ZNF462: variants seen among roughly 807,000 people sequenced by gnomAD.
ZNF462 encodes zinc finger protein 462.
In ZNF462, 10 loss-of-function variants were observed where a neutral mutation model predicts 201.9. That is an observed-to-expected ratio of 0.05 (90% CI 0.03 to 0.08). ZNF462 has a LOEUF of 0.08. Among genes scored for constraint, ZNF462 ranks in the 10% least tolerant of loss-of-function variants. The probability of loss-of-function intolerance (pLI) is 1.00; values close to 1 mark genes in which losing one functional copy is unlikely to be tolerated. For synonymous variants in ZNF462, 1,227 were observed against 1,193.3 expected (o/e 1.03, Z -0.58); for missense variants, 2,523 against 3,168.3 (o/e 0.80, Z 4.89).
At chr9:106,877,142 C>G (rs1334967204) in intron 1 of ZNF462, among the ~76,000 whole-genome samples, 1 of 151,952 alleles carries the variant, frequency 6.6e-6, no homozygotes, top group Admixed American at 6.6e-5. Flanking sequence ...CTTATTGGGT[C>G]TGGCCAAAAG....
intron 7 of ZNF462, among the ~76,000 whole-genome samples, chr9:106,958,296 C>A (rs188933897): frequency 6.6e-6 from 1 of 152,212 alleles, no homozygotes; most frequent in Admixed American, 6.5e-5. Context: ...CTGCTTAAAG[C>A]CCTTCCGTGG....
Position 106,895,049 on chromosome 9 carries a change from G to A in ZNF462, c.-30-28305G>A, listed in dbSNP as rs1828752157. 6.6e-6 allele frequency among the ~76,000 whole-genome samples: 1 copy of A among 152,162 alleles called. No individual in the cohort carries two copies. The highest frequency in any genetic ancestry group is 1.9e-4 in the East Asian group (1 of 5,176). The stretch of plus-strand genomic sequence containing the variant: ...CTCTAGTTAAATAGGAAATTTATGG[G>A]AATACCATTAGCATAGGTTGATGCA... On this transcript the variant is annotated intron_variant, in intron 1 of 12. Coordinates refer to ENST00000277225, the MANE Select transcript of ZNF462 (RefSeq NM_021224.6). This position sits in a 1 kb window ranked among gnomAD's most constrained non-coding sequence, Gnocchi z 4.4.
intron 1 of ZNF462, among the ~76,000 whole-genome samples, chr9:106,898,000 A>G (rs1302486244): frequency 6.6e-6 from 1 of 152,234 alleles, no homozygotes; most frequent in African/African-American, 2.4e-5. Context: ...GCAAATGTGT[A>G]ATTCCTTATT....
intron 10 of ZNF462, among the ~76,000 whole-genome samples, chr9:106,995,880 T>C (rs960507214): frequency 2.6e-5 from 4 of 152,188 alleles, no homozygotes; most frequent in African/African-American, 9.6e-5. Flanking sequence ...GTTTGTCACA[T>C]AGGTATGCAT....
Position 107,009,479 on chromosome 9 carries a change from A to T in ZNF462, c.7190-66A>T, listed in dbSNP as rs917829093. ...GGTAGGAGAGAGGGTATCCTAATGA[A>T]TGCTGACTTACCTATTCTGCTGATT... is the stretch of plus-strand genomic sequence containing the variant. On this transcript the variant is annotated intron_variant, in intron 11 of 12. Coordinates refer to ENST00000277225, the MANE Select transcript of ZNF462 (RefSeq NM_021224.6). This position sits in a 1 kb window ranked among gnomAD's most constrained non-coding sequence, Gnocchi z 6.1. 10 of 1,600,714 alleles carry T rather than the reference A, an allele frequency of 6.2e-6. No homozygotes were observed. The highest frequency in any genetic ancestry group is 2.7e-5 in the African/African-American group (2 of 74,730).
chr9:106,991,524 T>C (rs1365819472), intron 10 of ZNF462, among the ~76,000 whole-genome samples: 5 of 151,734 alleles, frequency 3.3e-5, no homozygotes, highest in Non-Finnish European at 7.4e-5. Context: ...TTTTTGGGGG[T>C]AGAAAGTGAC....
Position 106,923,594 on chromosome 9 carries a change from G to A in ZNF462, c.211G>A (p.Asp71Asn). ...SIKDEFAIAE[D>N]LSGQNATSLG... ...AAAGGATGAATTTGCCATTGCAGAA[G>A]ATTTATCAGGTAAATCTATACTAAA... is the stretch of plus-strand genomic sequence containing the variant. Residue 71 changes from aspartate (D) to asparagine (N), a missense_variant, in exon 2 of 13, where the codon GAT becomes AAT. Physicochemically the swap from Asp to Asn is conservative, Grantham distance 23. Coordinates refer to ENST00000277225, the MANE Select transcript of ZNF462 (RefSeq NM_021224.6). The surrounding 1 kb of genome is among the most constrained non-coding windows in gnomAD (Gnocchi z 5.6). 6.2e-7 allele frequency: 1 copy of A among 1,614,182 alleles called. No homozygotes were observed. The highest frequency in any genetic ancestry group is 8.5e-7 in the Non-Finnish European group (1 of 1,180,006).
At chr9:106,877,593 G>T (rs568702086) in intron 1 of ZNF462, among the ~76,000 whole-genome samples, 3 of 151,832 alleles carry the variant, frequency 2.0e-5, no homozygotes, top group Non-Finnish European at 2.9e-5. Context: ...TGTTGGCCAC[G>T]CTGGTCTTGA....
intron 11 of ZNF462, among the ~76,000 whole-genome samples, chr9:107,007,604 G>A (rs1482346916): frequency 6.6e-6 from 1 of 152,170 alleles, no homozygotes; most frequent in Non-Finnish European, 1.5e-5. Context: ...TGAAAGAGCA[G>A]CCTCCTTTGT....
Position 106,962,249 on chromosome 9 carries a change from T to A in ZNF462, c.6428-9756T>A, listed in dbSNP as rs1003116811. Among the ~76,000 whole-genome samples the A allele has an allele frequency of 6.6e-6, 1 of 152,042 alleles. No homozygotes were observed. Among genetic ancestry groups the A allele is most frequent in the Non-Finnish European group, 1.5e-5 (1 of 67,962 alleles). ...TGGGCTAGTGAGTGGATCACAGAGA[T>A]AGAGTTTCTCAGGAGGCTGAACCAA... On this transcript the variant is annotated intron_variant, in intron 7 of 12. Transcript: ENST00000277225. This position sits in a 1 kb window ranked among gnomAD's most constrained non-coding sequence, Gnocchi z 4.6.
rs1051667260 is a variant in ZNF462, at chr9:106,919,505, G to A, written c.-30-3849G>A. Among the ~76,000 whole-genome samples the A allele has an allele frequency of 1.3e-5, 2 of 152,134 alleles. No homozygotes were observed. Among genetic ancestry groups the A allele is most frequent in the Non-Finnish European group, 2.9e-5 (2 of 68,018 alleles). On this transcript the variant is annotated intron_variant, in intron 1 of 12. Transcript: ENST00000277225. The surrounding 1 kb of genome is among the most constrained non-coding windows in gnomAD (Gnocchi z 4.5). ...CCATAATTTACTTTTCCCCATTTCT[G>A]TATATATGTTTCAAATCTTTGACAT... is the stretch of plus-strand genomic sequence containing the variant.
chr9:106,864,350 G>A (rs910208325), intron 1 of ZNF462, among the ~76,000 whole-genome samples: 4 of 152,000 alleles, frequency 2.6e-5, no homozygotes, highest in Admixed American at 6.6e-5. Flanking sequence ...GCTCTCCTCT[G>A]AGGAAGGGAG....
intron 1 of ZNF462, among the ~76,000 whole-genome samples, chr9:106,873,696 G>A (rs1356346702): frequency 6.6e-6 from 1 of 152,060 alleles, no homozygotes; most frequent in South Asian, 2.1e-4. Flanking sequence ...GGTTTTATTT[G>A]CCTGTCTCTG....
intron 7 of ZNF462, among the ~76,000 whole-genome samples, chr9:106,949,604 A>C (rs1831253353): frequency 6.6e-6 from 1 of 152,178 alleles, no homozygotes; most frequent in Non-Finnish European, 1.5e-5. Flanking sequence ...CCACGGAGAC[A>C]AGTGGGTACC....
intron 7 of ZNF462, among the ~76,000 whole-genome samples, chr9:106,951,978 A>G (rs745957732): frequency 6.6e-5 from 10 of 152,082 alleles, no homozygotes; most frequent in Non-Finnish European, 1.2e-4. Flanking sequence ...TTTTCACCCA[A>G]CTGGAGCTAG....
chr9:106,867,643 T>C (rs1332817620), intron 1 of ZNF462, among the ~76,000 whole-genome samples: 1 of 151,464 alleles, frequency 6.6e-6, no homozygotes. Context: ...AGAAAAAAAA[T>C]CCAACTCTAC....
Position 106,972,314 on chromosome 9 carries a change from C to T in ZNF462, c.6695+42C>T. ...ACAGCTATGGAAAACAAGGCGGCCG[C>T]CCCTGCTCCACCCCTCACTGCAGGC... is the stretch of plus-strand genomic sequence containing the variant. On this transcript the variant is annotated intron_variant, in intron 8 of 12. Transcript: ENST00000277225. The surrounding 1 kb of genome is among the most constrained non-coding windows in gnomAD (Gnocchi z 4.8). 3 of 1,586,842 alleles carry T rather than the reference C, an allele frequency of 1.9e-6. No homozygotes were observed. Among genetic ancestry groups the T allele is most frequent in the Admixed American group, 1.7e-5 (1 of 58,176 alleles).
At chr9:106,889,187 G>T (rs1284718518) in intron 1 of ZNF462, among the ~76,000 whole-genome samples, 1 of 152,144 alleles carries the variant, frequency 6.6e-6, no homozygotes. Context: ...GGGGCACCTA[G>T]GTGGAAGTCA....
In ZNF462 at chr9:106,872,245, T is replaced by C. The variant is rs996108707; in HGVS notation, c.-31+8890T>C. Among the ~76,000 whole-genome samples the C allele has an allele frequency of 6.6e-6, 1 of 152,248 alleles. No individual in the cohort carries two copies. Among genetic ancestry groups the C allele is most frequent in the Non-Finnish European group, 1.5e-5 (1 of 68,034 alleles). ...ACCAAAGATAGATACCAGCTACAAGTACTTATCACCCAGAATCTTTTCTCT... is the reference window on the plus strand; with the variant it reads ...ACCAAAGATAGATACCAGCTACAAGCACTTATCACCCAGAATCTTTTCTCT... On this transcript the variant is annotated intron_variant, in intron 1 of 12. Transcript: ENST00000277225. This position sits in a 1 kb window ranked among gnomAD's most constrained non-coding sequence, Gnocchi z 4.5.
Sources: gnomAD v4.1 joint callset for allele counts (sites outside exome capture counted in the v4.1 genomes callset) on GRCh38, gnomAD v4.1.1 for gene constraint, Gnocchi (gnomAD v3.1) non-coding constraint, MANE v1.5 for transcripts, NCBI Gene and HGNC (gene_info 2026-07-23, HGNC 2026-07-21) for gene names.